Variants in PALLD observed in about 807,000 individuals in gnomAD.
PALLD encodes palladin, cytoskeletal associated protein, also known as palladin.
Under a neutral mutation model 123.5 loss-of-function variants are expected in PALLD, and 61 were observed. That is an observed-to-expected ratio of 0.49 (90% CI 0.40 to 0.61). PALLD has a LOEUF of 0.61. PALLD is among the 20% of genes least tolerant of loss of function. The probability of loss-of-function intolerance (pLI) is 0.00; values close to 1 mark genes in which losing one functional copy is unlikely to be tolerated. For missense variants in PALLD, 1,273 were observed against 1,377.0 expected, an observed-to-expected ratio of 0.92 and a Z score of 1.20; for synonymous variants, 465 against 496.4, an observed-to-expected ratio of 0.94 and a Z score of 0.84.
intron 10 of PALLD, among the ~76,000 whole-genome samples, chr4:168,787,040 C>T (rs1736860850): frequency 6.6e-6 from 1 of 152,086 alleles, no homozygotes; most frequent in Non-Finnish European, 1.5e-5. Context: ...TCCATCTGTC[C>T]AGCTATTATG....
chr4:168,788,034 C>T (rs1355211125), intron 10 of PALLD, among the ~76,000 whole-genome samples: 1 of 152,208 alleles, frequency 6.6e-6, no homozygotes, highest in Non-Finnish European at 1.5e-5. Flanking sequence ...AATCTGGCAT[C>T]TTTGTTACGT....
intron 2 of PALLD, among the ~76,000 whole-genome samples, chr4:168,658,309 A>G (rs74792068): frequency 0.21 from 25,136 of 120,094 alleles, 2,377 homozygotes; most frequent in Middle Eastern, 0.26. Flanking sequence ...TTTTGTGATG[A>G]GATCTTGCTT....
intron 10 of PALLD, among the ~76,000 whole-genome samples, chr4:168,787,483 C>T (rs6825526): frequency 7.4e-4 from 113 of 152,210 alleles, no homozygotes; most frequent in African/African-American, 2.3e-3. Context: ...GCTGTCAGCA[C>T]AGTAGCCACT....
At chr4:168,693,742 G>A (rs899601251) in intron 8 of PALLD, among the ~76,000 whole-genome samples, 6 of 152,108 alleles carry the variant, frequency 3.9e-5, no homozygotes, top group African/African-American at 9.7e-5. Context: ...CCTGACCTAC[G>A]ATGATTTCTC....
In PALLD at chr4:168,725,522, CTTTTTTT is replaced by C. The variant is rs1210834634; in HGVS notation, c.1964+13615_1964+13621del. On this transcript the variant is annotated intron_variant, in intron 10 of 21. Transcript: ENST00000505667. ...CAATATATTTTATTCTCTTTAATTT[CTTTTTTT>C]TTTTTTTTTTTTTTTGAGATGGAGT... 6.0e-3 allele frequency among the ~76,000 whole-genome samples: 554 copies of C among 91,658 alleles called. 2 individuals carry two copies. The highest frequency in any genetic ancestry group is 9.1e-3 in the African/African-American group (209 of 23,088). The allele number at this position is 91,658 out of a possible 152,430, so 60.1% of individuals were successfully genotyped here. A position where few individuals can be genotyped will look rare whatever the true frequency, so the allele number is the denominator to read the frequency against.
At chr4:168,811,251 A>G (rs1345931423) in intron 10 of PALLD, among the ~76,000 whole-genome samples, 1 of 152,206 alleles carries the variant, frequency 6.6e-6, no homozygotes, top group Non-Finnish European at 1.5e-5. Context: ...ATCCACTCTC[A>G]GAGCGTCTTG....
Position 168,783,044 on chromosome 4 carries a change from A to ATGTGTGTGTG in PALLD, c.1964+71122_1964+71123insGTGTGTGTGT, listed in dbSNP as rs373278434. 5.7e-3 allele frequency among the ~76,000 whole-genome samples: 471 copies of ATGTGTGTGTG among 82,272 alleles called. 2 individuals carry two copies. The highest frequency in any genetic ancestry group is 0.016 in the African/African-American group (442 of 28,226). The allele number at this position is 82,272 out of a possible 152,430, so 54.0% of individuals were successfully genotyped here. On this transcript the variant is annotated intron_variant, in intron 10 of 21. Coordinates refer to ENST00000505667, the MANE Select transcript of PALLD (RefSeq NM_001166108.2). ...ATTTCTACTCACAAATTTTATATATATATGTGTGTGTGTGTGTGTGTGTGT... is the reference window on the plus strand; with the variant it reads ...ATTTCTACTCACAAATTTTATATATATGTGTGTGTGTATGTGTGTGTGTGTGTGTGTGTGT...
At chr4:168,593,295 T>G (rs866415212) in intron 2 of PALLD, among the ~76,000 whole-genome samples, 2 of 152,106 alleles carry the variant, frequency 1.3e-5, no homozygotes, top group South Asian at 4.1e-4. Context: ...TCGAATATCA[T>G]GGGCTCCAGC....
intron 2 of PALLD, among the ~76,000 whole-genome samples, chr4:168,663,497 C>T (rs763332802): frequency 1.3e-5 from 2 of 152,122 alleles, no homozygotes; most frequent in African/African-American, 2.4e-5. Flanking sequence ...AGTTGTGGCC[C>T]TGAGTATGAG....
chr4:168,811,728 C>G (rs1741139467), intron 10 of PALLD, among the ~76,000 whole-genome samples: 1 of 151,060 alleles, frequency 6.6e-6, no homozygotes, highest in Non-Finnish European at 1.5e-5. Context: ...AGTGACAGAG[C>G]AAGACCCTGT....
chr4:168,567,270 G>A (rs1041537347), intron 2 of PALLD, among the ~76,000 whole-genome samples: 1 of 151,922 alleles, frequency 6.6e-6, no homozygotes, highest in African/African-American at 2.4e-5. Context: ...TAGCAGACTA[G>A]GCATCTGACA....
At chr4:168,630,467 C>T (rs1373669316) in intron 2 of PALLD, among the ~76,000 whole-genome samples, 1 of 152,196 alleles carries the variant, frequency 6.6e-6, no homozygotes, top group Non-Finnish European at 1.5e-5. Flanking sequence ...TTTCATGACT[C>T]ACCACTTCCT....
intron 9 of PALLD, among the ~76,000 whole-genome samples, chr4:168,710,737 G>A (rs1481808378): frequency 6.6e-6 from 1 of 152,168 alleles, no homozygotes; most frequent in East Asian, 1.9e-4. Flanking sequence ...TTCCGAGTTG[G>A]CTTCAACACT....
At chr4:168,730,189 T>G (rs1275726375) in intron 10 of PALLD, among the ~76,000 whole-genome samples, 1 of 152,208 alleles carries the variant, frequency 6.6e-6, no homozygotes, top group African/African-American at 2.4e-5. Context: ...ATGTTCTCAC[T>G]TTTTTCTTTT....
intron 10 of PALLD, among the ~76,000 whole-genome samples, chr4:168,828,545 C>A (rs1236439056): frequency 6.6e-6 from 1 of 152,176 alleles, no homozygotes; most frequent in Non-Finnish European, 1.5e-5. Flanking sequence ...GTTTCACTGC[C>A]AATATCTTCT....
At chr4:168,883,348 A>G (rs757686131) in intron 10 of PALLD, among the ~76,000 whole-genome samples, 1 of 152,222 alleles carries the variant, frequency 6.6e-6, no homozygotes, top group Admixed American at 6.5e-5. Context: ...ATTCTTGAAT[A>G]TAAGTGATAT....
intron 10 of PALLD, among the ~76,000 whole-genome samples, chr4:168,792,757 T>A (rs116761615): frequency 2.6e-5 from 4 of 151,212 alleles, no homozygotes; most frequent in Middle Eastern, 6.8e-3. Flanking sequence ...AATCTTATTC[T>A]TTTTTTTTCT....
intron 6 of PALLD, chr4:168,686,534 T>C (rs1232385772): frequency 2.0e-5 from 3 of 152,278 alleles, no homozygotes; most frequent in Admixed American, 1.3e-4. Context: ...GCTTCATCCA[T>C]GTCCCTGCAA....
At position 168,596,936 on chromosome 4, in the gene PALLD, C is replaced by T. The variant is rs538339936; in HGVS notation, c.909-71254C>T. 5.5e-5 allele frequency among the ~76,000 whole-genome samples: 7 copies of T among 127,666 alleles called. No homozygotes were observed. In the South Asian group the frequency reaches 1.7e-3, roughly 32 times the overall value. The allele number at this position is 127,666 out of a possible 152,430, so 83.8% of individuals were successfully genotyped here. Reference sequence around the variant, plus strand: ...AATAAATTCAATATAGCACTTTTACCCTTTTCAAAGTGTTGTCATCAATTG... The same window carrying T: ...AATAAATTCAATATAGCACTTTTACTCTTTTCAAAGTGTTGTCATCAATTG... On this transcript the variant is annotated intron_variant, in intron 2 of 21. Coordinates refer to ENST00000505667, the MANE Select transcript of PALLD (RefSeq NM_001166108.2).
Sources: allele counts gnomAD v4.1 joint callset (sites outside exome capture counted in the v4.1 genomes callset), GRCh38; gene constraint gnomAD v4.1.1; transcripts MANE v1.5; gene names NCBI Gene and HGNC (gene_info 2026-07-23, HGNC 2026-07-21).